Variants in PPFIA2 observed in about 807,000 individuals in gnomAD.
PPFIA2 encodes the protein PPFI scaffold protein A2, also known as liprin-alpha-2.
Under a neutral mutation model 175.5 loss-of-function variants are expected in PPFIA2, and 46 were observed. The observed-to-expected ratio is 0.26, with a 90% confidence interval of 0.21 to 0.34. The LOEUF (loss-of-function observed/expected upper bound fraction) is 0.34. Among genes scored for constraint, PPFIA2 ranks in the 10% least tolerant of loss-of-function variants. The pLI is 1.00. For synonymous variants in PPFIA2, 568 were observed against 511.4 expected (o/e 1.11, Z -1.49); for missense variants, 1,179 against 1,506.1 (o/e 0.78, Z 3.60).
intron 22 of PPFIA2, among the ~76,000 whole-genome samples, chr12:81,319,860 TATC>T (rs1402254193): frequency 6.6e-6 from 1 of 151,936 alleles, no homozygotes; most frequent in Non-Finnish European, 1.5e-5. Context: ...GATAATCTAA[TATC>T]ATGCAAGTGA....
intron 4 of PPFIA2, among the ~76,000 whole-genome samples, chr12:81,582,958 T>A (rs956655451): frequency 6.6e-6 from 1 of 151,904 alleles, no homozygotes; most frequent in Non-Finnish European, 1.5e-5. Flanking sequence ...AATAAAAATA[T>A]CACTTCCTAT....
At chr12:81,626,059 T>G (rs1190108770) in intron 4 of PPFIA2, among the ~76,000 whole-genome samples, 4 of 151,702 alleles carry the variant, frequency 2.6e-5, no homozygotes, top group African/African-American at 9.7e-5. Context: ...AAGCAAAATA[T>G]ATAAAGCTCA....
intron 4 of PPFIA2, among the ~76,000 whole-genome samples, chr12:81,644,407 T>C (rs2065778042): frequency 6.6e-6 from 1 of 151,972 alleles, no homozygotes; most frequent in Admixed American, 6.6e-5. Context: ...CTAGATTAGG[T>C]CATATTCATA....
At position 81,642,770 on chromosome 12, in the gene PPFIA2, A is replaced by ATATATTATATACATACATGTACG. The variant is rs2065396419; in HGVS notation, c.303+34020_303+34021insCGTACATGTATGTATATAATATA. ...GTATTATATACATACATGTATATGTATGTATGTATTATATACATACATGTA... is the reference window on the plus strand; with the variant it reads ...GTATTATATACATACATGTATATGTATATATTATATACATACATGTACGTGTATGTATTATATACATACATGTA... On this transcript the variant is annotated intron_variant, in intron 4 of 32. Coordinates refer to ENST00000549396, the MANE Select transcript of PPFIA2 (RefSeq NM_003625.5). Among the ~76,000 whole-genome samples the ATATATTATATACATACATGTACG allele has an allele frequency of 2.3e-4, 7 of 30,914 alleles. 2 individuals are homozygous for ATATATTATATACATACATGTACG. The highest frequency in any genetic ancestry group is 5.3e-4 in the Admixed American group (2 of 3,770). 20.3% of individuals were successfully genotyped at this position (30,914 alleles called of 152,430 possible).
At position 81,491,064 on chromosome 12, in the gene PPFIA2, C is replaced by T. The variant is rs116511605; in HGVS notation, c.304-33198G>A. Reference sequence around the variant, plus strand: ...AATTGTTTTCCTTCTGCCTGAAATACTCTGTTCTATGTCATCTTCTGAGAT... The same window carrying T: ...AATTGTTTTCCTTCTGCCTGAAATATTCTGTTCTATGTCATCTTCTGAGAT... On this transcript the variant is annotated intron_variant, in intron 4 of 32. Transcript: ENST00000549396. 1.7e-3 allele frequency among the ~76,000 whole-genome samples: 253 copies of T among 152,030 alleles called. 2 individuals are homozygous for T. Among genetic ancestry groups the T allele is most frequent in the African/African-American group, 5.9e-3 (246 of 41,518 alleles).
chr12:81,752,958 G>T (rs954272329), intron 3 of PPFIA2, among the ~76,000 whole-genome samples: 9 of 148,324 alleles, frequency 6.1e-5, no homozygotes, highest in African/African-American at 2.0e-4. Flanking sequence ...TTTTTTGGAG[G>T]TGGAGTCTCT....
At chr12:81,392,006 A>C (rs2040217882) in intron 8 of PPFIA2, among the ~76,000 whole-genome samples, 2 of 151,850 alleles carry the variant, frequency 1.3e-5, no homozygotes, top group African/African-American at 4.8e-5. Flanking sequence ...AAACTATAGG[A>C]AGGTGTTGAG....
intron 4 of PPFIA2, among the ~76,000 whole-genome samples, chr12:81,650,694 CAATTTTTTCCTCTTT>C (rs1385868231): frequency 3.3e-5 from 5 of 152,168 alleles, no homozygotes; most frequent in Admixed American, 3.3e-4. Flanking sequence ...CTCAAATAAT[CAATTTTTTCCTCTTT>C]AATTCCAAGT....
At chr12:81,558,711 A>C (rs751687611) in intron 4 of PPFIA2, among the ~76,000 whole-genome samples, 1 of 152,132 alleles carries the variant, frequency 6.6e-6, no homozygotes, top group Non-Finnish European at 1.5e-5. Context: ...AGAGGTGGCT[A>C]TGTATTTCTG....
intron 4 of PPFIA2, among the ~76,000 whole-genome samples, chr12:81,642,151 C>A (rs903179326): frequency 4.6e-5 from 7 of 151,852 alleles, no homozygotes; most frequent in African/African-American, 1.7e-4. Flanking sequence ...GATATTTCAA[C>A]TATATGATTT....
At chr12:81,439,816 A>G (rs2049832268) in intron 7 of PPFIA2, 156 bp downstream of exon 7, 2 of 664,758 alleles carry the variant, frequency 3.0e-6, no homozygotes, top group South Asian at 4.0e-5. Flanking sequence ...ATCAGAAAAC[A>G]AGACTCCGGC....
chr12:81,671,828 G>A (rs1427004172), intron 4 of PPFIA2, among the ~76,000 whole-genome samples: 3 of 151,834 alleles, frequency 2.0e-5, no homozygotes, highest in Admixed American at 6.6e-5. Context: ...ATCACTTGGC[G>A]AACTTCAATT....
At chr12:81,312,185 G>A in intron 22 of PPFIA2, 1 of 1,533,722 alleles carries the variant, frequency 6.5e-7, no homozygotes, top group Middle Eastern at 1.7e-4. Flanking sequence ...ATGAGATGGA[G>A]AAGGACGGAT....
intron 28 of PPFIA2, among the ~76,000 whole-genome samples, chr12:81,274,892 T>C (rs1395131831): frequency 6.6e-6 from 1 of 152,190 alleles, no homozygotes; most frequent in Non-Finnish European, 1.5e-5. Context: ...TGGCAGTTTT[T>C]TTTTCCTCAG....
intron 3 of PPFIA2, among the ~76,000 whole-genome samples, chr12:81,741,959 A>C (rs2153654797): frequency 6.6e-6 from 1 of 152,306 alleles, no homozygotes; most frequent in South Asian, 2.1e-4. Flanking sequence ...TATTTGAGTA[A>C]AGACCTGAAA....
chr12:81,492,824 C>G (rs2059559298), intron 4 of PPFIA2, among the ~76,000 whole-genome samples: 2 of 152,066 alleles, frequency 1.3e-5, no homozygotes, highest in South Asian at 4.1e-4. Context: ...ATTTGAGGAA[C>G]AGACTTAGGT....
At chr12:81,728,313 C>A (rs1305153004) in intron 3 of PPFIA2, among the ~76,000 whole-genome samples, 6 of 151,318 alleles carry the variant, frequency 4.0e-5, no homozygotes, top group Admixed American at 3.3e-4. Context: ...GACTTTCAAT[C>A]ACATAAACAT....
At chr12:81,260,260 C>T (rs2034951377) in intron 32 of PPFIA2, 1 of 152,026 alleles carries the variant, frequency 6.6e-6, no homozygotes, top group African/African-American at 2.4e-5. Flanking sequence ...AATGGTTGTC[C>T]TAGATTGAAT....
intron 10 of PPFIA2, 70 bp from the exon 11 acceptor site, chr12:81,374,838 G>A (rs1353695908): frequency 2.1e-6 from 3 of 1,407,630 alleles, no homozygotes; most frequent in Admixed American, 4.2e-5. Context: ...GTCGCCAGGG[G>A]CTTTGCACTT....
Sources: gnomAD v4.1 joint callset for allele counts (sites outside exome capture counted in the v4.1 genomes callset) on GRCh38, gnomAD v4.1.1 for gene constraint, MANE v1.5 for transcripts, NCBI Gene and HGNC (gene_info 2026-07-23, HGNC 2026-07-21) for gene names.